FYN: variants seen among roughly 807,000 people sequenced by gnomAD.
FYN encodes FYN proto-oncogene, Src family tyrosine kinase.
FYN carries 10 observed loss-of-function variants against 70.2 expected under a neutral mutation model. That is an observed-to-expected ratio of 0.14 (90% CI 0.09 to 0.24). FYN has a LOEUF of 0.24. FYN is among the 10% of genes least tolerant of loss of function. The pLI is 1.00. For synonymous variants in FYN, 236 were observed against 248.6 expected (o/e 0.95, Z 0.48); for missense variants, 319 against 673.1 (o/e 0.47, Z 5.82).
At chr6:111,787,521 AT>A in intron 2 of FYN, among the ~76,000 whole-genome samples, 1 of 152,146 alleles carries the variant, frequency 6.6e-6, no homozygotes, top group Non-Finnish European at 1.5e-5. Flanking sequence ...CAAAGACAGG[AT>A]TTTAACTCAA....
intron 2 of FYN, among the ~76,000 whole-genome samples, chr6:111,803,843 C>T (rs914206970): frequency 1.3e-5 from 2 of 152,176 alleles, no homozygotes; most frequent in African/African-American, 4.8e-5. Flanking sequence ...CGGAAATGCA[C>T]AGCTTCCCAA....
At chr6:111,780,364 T>C (rs1771128752) in intron 3 of FYN, among the ~76,000 whole-genome samples, 1 of 152,246 alleles carries the variant, frequency 6.6e-6, no homozygotes, top group Admixed American at 6.5e-5. Flanking sequence ...GAAAACCCCA[T>C]ATTGCTTAAT....
chr6:111,782,628 G>A lies in FYN; in HGVS notation c.-81-1993C>T, dbSNP rs576635140. On this transcript the variant is annotated intron_variant, in intron 2 of 13. Coordinates refer to ENST00000354650, the MANE Select transcript of FYN (RefSeq NM_002037.5). ...CAATCATTCTGTCAATATAGAGGGC[G>A]CCTGTGTGACACAAGCATAATGCCT... 4.0e-4 allele frequency among the ~76,000 whole-genome samples: 61 copies of A among 152,270 alleles called. 1 individual carries two copies. Among genetic ancestry groups the A allele is most frequent in the African/African-American group, 1.3e-3 (54 of 41,556 alleles).
intron 2 of FYN, among the ~76,000 whole-genome samples, chr6:111,833,546 T>C (rs999919186): frequency 2.0e-5 from 3 of 152,158 alleles, no homozygotes; most frequent in African/African-American, 4.8e-5. Flanking sequence ...TCCATACCCG[T>C]AGATACCAAG....
intron 2 of FYN, among the ~76,000 whole-genome samples, chr6:111,808,051 T>C (rs1175552667): frequency 6.6e-6 from 1 of 151,950 alleles, no homozygotes; most frequent in African/African-American, 2.4e-5. Flanking sequence ...GAGGTTGCAG[T>C]GCGCTGAGGC....
At chr6:111,867,686 T>C (rs1404644261) in intron 1 of FYN, among the ~76,000 whole-genome samples, 2 of 152,086 alleles carry the variant, frequency 1.3e-5, no homozygotes, top group Non-Finnish European at 2.9e-5. Flanking sequence ...TCTCTAATTC[T>C]TTTTTGCTCC....
At chr6:111,713,671 G>A (rs1301941879) in intron 5 of FYN, among the ~76,000 whole-genome samples, 3 of 152,062 alleles carry the variant, frequency 2.0e-5, no homozygotes, top group African/African-American at 7.2e-5. Context: ...TCTTCTTATG[G>A]AGGTACTGAA....
chr6:111,663,013 A>T (rs1797829231), intron 13 of FYN, among the ~76,000 whole-genome samples: 1 of 152,154 alleles, frequency 6.6e-6, no homozygotes, highest in African/African-American at 2.4e-5. Context: ...CTGCCTTAAC[A>T]CTACAGGAAC....
chr6:111,727,668 AG>A (rs1226353261), intron 3 of FYN, among the ~76,000 whole-genome samples: 14 of 152,222 alleles, frequency 9.2e-5, no homozygotes, highest in Admixed American at 5.9e-4. Context: ...AAATAAGTGG[AG>A]TTGAACCCAT....
At chr6:111,680,990 A>G (rs1798754388) in intron 12 of FYN, among the ~76,000 whole-genome samples, 1 of 151,518 alleles carries the variant, frequency 6.6e-6, no homozygotes, top group Non-Finnish European at 1.5e-5. Flanking sequence ...CTAGGATGCT[A>G]GATGTGCACC....
At chr6:111,779,296 C>T (rs1771082141) in intron 3 of FYN, among the ~76,000 whole-genome samples, 2 of 151,930 alleles carry the variant, frequency 1.3e-5, no homozygotes, top group African/African-American at 4.8e-5. Flanking sequence ...CAGGTAAAGG[C>T]CCCACCCAAA....
chr6:111,789,159 C>T (rs186431754), intron 2 of FYN, among the ~76,000 whole-genome samples: 2 of 152,354 alleles, frequency 1.3e-5, no homozygotes, highest in African/African-American at 4.8e-5. Context: ...CACAAGCTGG[C>T]TGCTCCCTTC....
chr6:111,763,872 T>G (rs1275629712), intron 3 of FYN, among the ~76,000 whole-genome samples: 9 of 152,050 alleles, frequency 5.9e-5, no homozygotes. Context: ...TTATAAAATG[T>G]GGGTAACAAT....
chr6:111,822,432 A>C (rs1178636602), intron 2 of FYN, among the ~76,000 whole-genome samples: 1 of 151,964 alleles, frequency 6.6e-6, no homozygotes, highest in Admixed American at 6.6e-5. Context: ...TTGAACAATG[A>C]GAACACTTGG....
intron 2 of FYN, among the ~76,000 whole-genome samples, chr6:111,784,041 G>A (rs1384425860): frequency 9.8e-5 from 15 of 152,344 alleles, no homozygotes; most frequent in Non-Finnish European, 4.4e-5. Context: ...CCAATGAGAT[G>A]TGAAGAATGT....
At position 111,825,536 on chromosome 6, in the gene FYN, T is replaced by C. The variant is rs987181080; in HGVS notation, c.-82+21053A>G. On this transcript the variant is annotated intron_variant, in intron 2 of 13. Coordinates refer to ENST00000354650, the MANE Select transcript of FYN (RefSeq NM_002037.5). Reference sequence around the variant, plus strand: ...ACACAGGATTTCTGTGAGCATTAAATTATATAAGGTAAGATAGAAGAATGC... The same window carrying C: ...ACACAGGATTTCTGTGAGCATTAAACTATATAAGGTAAGATAGAAGAATGC... Among the ~76,000 whole-genome samples the C allele has an allele frequency of 5.3e-5, 8 of 152,274 alleles. No individual in the cohort carries two copies. In the East Asian group the frequency reaches 9.6e-4, roughly 18 times the overall value.
At chr6:111,813,274 T>A (rs1000792778) in intron 2 of FYN, among the ~76,000 whole-genome samples, 4 of 152,144 alleles carry the variant, frequency 2.6e-5, no homozygotes, top group Non-Finnish European at 4.4e-5. Context: ...CAGTTGAACT[T>A]TACCAAGGCC....
chr6:111,755,509 A>G (rs546470684), intron 3 of FYN, among the ~76,000 whole-genome samples: 1 of 152,332 alleles, frequency 6.6e-6, no homozygotes, highest in African/African-American at 2.4e-5. Flanking sequence ...AACAGAATGA[A>G]GAGATTTAAT....
intron 2 of FYN, among the ~76,000 whole-genome samples, chr6:111,787,385 G>A (rs201716736): frequency 0.037 from 5,595 of 152,166 alleles, 151 homozygotes; most frequent in East Asian, 0.14. Context: ...TAGATGTGTC[G>A]TATTATTTCT....
Sources: gnomAD v4.1 joint callset for allele counts (sites outside exome capture counted in the v4.1 genomes callset) on GRCh38, gnomAD v4.1.1 for gene constraint, MANE v1.5 for transcripts, NCBI Gene and HGNC (gene_info 2026-07-23, HGNC 2026-07-21) for gene names.